The following ZNF558 variants were observed in gnomAD, a reference collection of about 807,000 sequenced individuals.
ZNF558 encodes the protein zinc finger protein 558.
ZNF558 carries 23 observed loss-of-function variants against 37.6 expected under a neutral mutation model. The observed-to-expected ratio is 0.61, with a 90% CI of 0.44 to 0.87. The LOEUF is 0.87. Ranked by LOEUF, ZNF558 falls within the 40% of genes least tolerant of loss-of-function variation. The pLI, the probability that ZNF558 is intolerant of heterozygous loss-of-function variation, is 0.00. For missense variants in ZNF558, 429 were observed against 483.7 expected, an observed-to-expected ratio of 0.89 and a Z score of 1.06; for synonymous variants, 189 against 174.4, an observed-to-expected ratio of 1.08 and a Z score of -0.66.
At chr19:8,823,633 C>T (rs1231665071) in intron 4 of ZNF558, 1 of 142,310 alleles carries the variant, frequency 7.0e-6, no homozygotes, top group Non-Finnish European at 1.5e-5. Flanking sequence ...TACCTATGCT[C>T]TGCCTTGGTC....
At chr19:8,813,034 C>T in intron 8 of ZNF558, 93 bp downstream of exon 8, 3 of 976,664 alleles carry the variant, frequency 3.1e-6, no homozygotes, top group Non-Finnish European at 1.6e-6. Context: ...TTACAAAGTT[C>T]CCTGATTGAC....
At chr19:8,834,638 CA>C (rs778953517), upstream of ZNF558, among the ~76,000 whole-genome samples, 20 of 129,824 alleles carry the variant, frequency 1.5e-4, no homozygotes, top group East Asian at 4.5e-4. Flanking sequence ...CAAAAAAAAA[CA>C]AAAAAAAAAC....
chr19:8,813,324 A>G lies in ZNF558; in HGVS notation c.248-102T>C, dbSNP rs1266863839. 13 of 862,676 alleles carry G rather than the reference A, an allele frequency of 1.5e-5. No individual in the cohort carries two copies. In the East Asian group the frequency reaches 3.2e-4, roughly 21 times the overall value. 53.4% of individuals were successfully genotyped at this position (862,676 alleles called of 1,614,324 possible). On this transcript the variant is annotated intron_variant, in intron 7 of 9. Coordinates refer to ENST00000601372, the MANE Select transcript of ZNF558 (RefSeq NM_144693.3). ...TATGAAGATGGAAAAGTGTGACTTT[A>G]GGAGCAGTGAAATAAATTATGCCTT...
At chr19:8,816,352 T>A (rs1163985895) in intron 7 of ZNF558, among the ~76,000 whole-genome samples, 1 of 152,124 alleles carries the variant, frequency 6.6e-6, no homozygotes, top group African/African-American at 2.4e-5. Flanking sequence ...CGTGAACCAT[T>A]GCAGCCGGCA....
In ZNF558 at chr19:8,807,122, G is replaced by A. The variant is rs1331408365; in HGVS notation, c.*4159C>T. 1.3e-5 allele frequency: 2 copies of A among 152,194 alleles called. No individual in the cohort carries two copies. The highest frequency in any genetic ancestry group is 1.9e-4 in the East Asian group (1 of 5,192). 9.4% of individuals were successfully genotyped at this position (152,194 alleles called of 1,614,324 possible). On this transcript the variant is annotated 3_prime_UTR_variant, in exon 10 of 10. Transcript: ENST00000601372. ...ATATTTTCCTGTCTCAATGGATGAAGGAGAGTGAGGTCTGACCCTGGCTAT... is the reference window on the plus strand; with the variant it reads ...ATATTTTCCTGTCTCAATGGATGAAAGAGAGTGAGGTCTGACCCTGGCTAT...
At chr19:8,823,165 CAT>C (rs779070367) in intron 4 of ZNF558, among the ~76,000 whole-genome samples, 19 of 152,194 alleles carry the variant, frequency 1.2e-4, no homozygotes, top group East Asian at 9.7e-4. Flanking sequence ...TCATCAGCCA[CAT>C]GTTTCCACAG....
intron 7 of ZNF558, among the ~76,000 whole-genome samples, chr19:8,816,463 ACAGT>A (rs971127728): frequency 1.2e-4 from 18 of 152,374 alleles, no homozygotes; most frequent in Admixed American, 1.2e-3. Flanking sequence ...CGGTAAGATT[ACAGT>A]CAATTTCTCA....
rs563096763 is a variant in ZNF558 at position 8,813,080 on chromosome 19, T to C, written c.343+47A>G. 88 of 1,466,108 alleles carry C rather than the reference T, an allele frequency of 6.0e-5. 4 individuals carry two copies. The South Asian group carries it at 9.1e-4, about 15-fold the overall frequency. 90.8% of individuals were successfully genotyped at this position (1,466,108 alleles called of 1,614,324 possible). A position where few individuals can be genotyped will look rare whatever the true frequency, so the allele number is the denominator to read the frequency against. On this transcript the variant is annotated intron_variant, in intron 8 of 9. Transcript: ENST00000601372. ...GTAATACTCCCAACCCCCAAGTCAC[T>C]GGCCAGAGCTATTCCTCACAAGGGC...
In ZNF558 at chr19:8,810,311, G is replaced by A. The variant is rs1383706966; in HGVS notation, c.*970C>T. On this transcript the variant is annotated 3_prime_UTR_variant, in exon 10 of 10. Transcript: ENST00000601372. ...AGTAATGTGAACACTTTTGCTGTAG[G>A]GTATTCCGCATTTCTGAGTGTTGTT... The A allele has an allele frequency of 2.0e-5, 3 of 152,202 alleles. No homozygotes were observed. Among genetic ancestry groups the A allele is most frequent in the Admixed American group, 6.5e-5 (1 of 15,282 alleles). The allele number at this position is 152,202 out of a possible 1,614,324, so 9.4% of individuals were successfully genotyped here.
chr19:8,812,987 A>G (rs1189627232), intron 8 of ZNF558, 140 bp downstream of exon 8: 1 of 670,490 alleles, frequency 1.5e-6, no homozygotes, highest in African/African-American at 1.8e-5. Flanking sequence ...AGCTCACACC[A>G]AATGTTCTCG....
At chr19:8,818,245 A>G (rs1033834387) in intron 7 of ZNF558, among the ~76,000 whole-genome samples, 6 of 151,986 alleles carry the variant, frequency 3.9e-5, no homozygotes, top group African/African-American at 1.4e-4. Context: ...CGAGGTCAAG[A>G]GATTGAGACC....
intron 2 of ZNF558, among the ~76,000 whole-genome samples, chr19:8,827,923 A>T (rs1366658796): frequency 6.6e-6 from 1 of 152,076 alleles, no homozygotes; most frequent in Non-Finnish European, 1.5e-5. Context: ...TTCCCAGTGC[A>T]GGGAGCGTGG....
At position 8,812,038 on chromosome 19, in the gene ZNF558, A is replaced by G. The variant is rs868971127; in HGVS notation, c.452T>C (p.Leu151Pro). Residue 151 changes from leucine to proline, a missense_variant, in exon 10 of 10, where the codon CTC (leucine) becomes CCC (proline). Physicochemically the swap from Leu to Pro is moderately conservative, Grantham distance 98. Transcript: ENST00000601372. Reference protein sequence around the residue: ...KTERSHRGVKLNECNQCFKVF... With the variant: ...KTERSHRGVKPNECNQCFKVF... ...TTTAAAACACTGATTACATTCATTG[A>G]GTTTCACTCCACGATGACTTCTTTC... 1.3e-6 allele frequency: 2 copies of G among 1,597,266 alleles called. No homozygotes were observed. The highest frequency in any genetic ancestry group is 3.5e-5 in the Admixed American group (2 of 57,728).
chr19:8,811,912 G>A lies in ZNF558; in HGVS notation c.578C>T (p.Ser193Phe). 6.2e-7 allele frequency: 1 copy of A among 1,613,986 alleles called. No individual in the cohort carries two copies. Among genetic ancestry groups the A allele is most frequent in the Non-Finnish European group, 8.5e-7 (1 of 1,179,990 alleles). ...SQCGKSFSSRSYLTIHKRIHN... is the reference protein window; with the variant it reads ...SQCGKSFSSRFYLTIHKRIHN... ...GATTCTCTTATGAATAGTAAGGTAA[G>A]ATCTGCTACTGAAGGACTTCCCACA... The change falls in exon 10 of 10, where the codon TCT becomes TTT. Residue 193 changes from serine to phenylalanine, a missense_variant. Coordinates refer to ENST00000601372, the MANE Select transcript of ZNF558 (RefSeq NM_144693.3).
chr19:8,815,425 G>A (rs782148305), intron 7 of ZNF558, among the ~76,000 whole-genome samples: 2 of 152,082 alleles, frequency 1.3e-5, no homozygotes, highest in African/African-American at 4.8e-5. Context: ...TATCTGAGCA[G>A]GCAGAAGACA....
intron 9 of ZNF558, 90 bp downstream of exon 9, chr19:8,812,471 T>C (rs879953154): frequency 1.7e-5 from 14 of 802,780 alleles, no homozygotes; most frequent in Non-Finnish European, 2.7e-5. Flanking sequence ...ACACTTTCCT[T>C]TAATGCCTCT....
chr19:8,833,683 G>T (rs1485363048), upstream of ZNF558: 1 of 152,220 alleles, frequency 6.6e-6, no homozygotes, highest in East Asian at 1.9e-4. Context: ...TGGTGGGTTG[G>T]TGCGTTAGAT....
chr19:8,822,996 T>A lies in ZNF558; in HGVS notation c.-65-272A>T, dbSNP rs1224829113. On this transcript the variant is annotated intron_variant, in intron 4 of 9. Transcript: ENST00000601372. This position sits in a 1 kb window ranked among gnomAD's most constrained non-coding sequence, Gnocchi z 4.4. ...GCAGTCTCACGGCATGTTCTTCCCA[T>A]CCAAGCGCACCACAAACGCATTCCC... The A allele has an allele frequency of 3.0e-6, 1 of 335,212 alleles. No individual in the cohort carries two copies. Among genetic ancestry groups the A allele is most frequent in the African/African-American group, 2.1e-5 (1 of 48,146 alleles). 20.8% of individuals were successfully genotyped at this position (335,212 alleles called of 1,614,324 possible).
rs571871483 is a variant in ZNF558 at position 8,807,179 on chromosome 19, T to C, written c.*4102A>G. 1 of 152,402 alleles carries C rather than the reference T, an allele frequency of 6.6e-6. No individual in the cohort carries two copies. The highest frequency in any genetic ancestry group is 1.5e-5 in the Non-Finnish European group (1 of 68,100). The allele number at this position is 152,402 out of a possible 1,614,324, so 9.4% of individuals were successfully genotyped here. ...CAGGAGGACCTGGGGCTGGATGCTA[T>C]CGCTGACTGACCTCTCTCAGCTCCT... On this transcript the variant is annotated 3_prime_UTR_variant, in exon 10 of 10. Coordinates refer to ENST00000601372, the MANE Select transcript of ZNF558 (RefSeq NM_144693.3).
Sources: allele counts gnomAD v4.1 joint callset (sites outside exome capture counted in the v4.1 genomes callset), GRCh38; gene constraint gnomAD v4.1.1; non-coding constraint Gnocchi (gnomAD v3.1); transcripts MANE v1.5; gene names NCBI Gene and HGNC (gene_info 2026-07-23, HGNC 2026-07-21).